Variants in ZNF654 observed in about 807,000 individuals in gnomAD.
ZNF654 encodes the protein zinc finger protein 654, also known as melanoma-associated antigen.
A neutral mutation model predicts 95.3 loss-of-function variants in ZNF654; 19 were observed. The ratio of observed to expected loss-of-function variants is 0.20; its 90% CI spans 0.14 to 0.29. ZNF654 has a LOEUF of 0.29. Ranked by LOEUF, ZNF654 falls within the 10% of genes least tolerant of loss-of-function variation. The pLI, the probability that ZNF654 is intolerant of heterozygous loss-of-function variation, is 1.00. For missense variants in ZNF654, 1,046 were observed against 1,341.0 expected, an observed-to-expected ratio of 0.78 and a Z score of 3.44; for synonymous variants, 413 against 457.9, an observed-to-expected ratio of 0.90 and a Z score of 1.25.
chr3:88,107,945 T>A (rs1704844175), intron 2 of ZNF654, among the ~76,000 whole-genome samples: 1 of 152,170 alleles, frequency 6.6e-6, no homozygotes, highest in African/African-American at 2.4e-5. Flanking sequence ...TTGTTCATAG[T>A]GCTGTGTTTC....
Position 88,059,466 on chromosome 3 carries a change from C to G in ZNF654, c.147C>G (p.Val49=). ...GCAGCGGCAACTGCGGCGGCGGCGT[C>G]GGAATCAGCAGTCGGGATTACTGCC... ...GAGSGNCGGG[V]GISSRDYCRR... The change falls in exon 1 of 9, where the codon GTC becomes GTG. Residue 49 remains valine, a synonymous_variant. Transcript: ENST00000636215. The G allele has an allele frequency of 5.3e-6, 8 of 1,520,434 alleles. No homozygotes were observed. The highest frequency in any genetic ancestry group is 1.4e-5 in the African/African-American group (1 of 71,986). 94.2% of individuals were successfully genotyped at this position (1,520,434 alleles called of 1,614,324 possible).
At chr3:88,059,551 CCT>C (rs1247065444) in intron 1 of ZNF654, 46 bp downstream of exon 1, 1 of 1,449,922 alleles carries the variant, frequency 6.9e-7, no homozygotes, top group African/African-American at 1.4e-5. Context: ...GGGTCCTGGG[CCT>C]CTCTGCGTCT....
chr3:88,139,233 G>C lies in ZNF654; in HGVS notation c.1564G>C (p.Gly522Arg). 1.3e-6 allele frequency: 2 copies of C among 1,502,576 alleles called. No individual in the cohort carries two copies. The highest frequency in any genetic ancestry group is 2.8e-5 in the South Asian group (2 of 70,872). 93.1% of individuals were successfully genotyped at this position (1,502,576 alleles called of 1,614,324 possible). ...TGATGTATCTGGAGTGCAGCCTAAA[G>C]GTCATATTAATACGAAGAAAAATCT... Reference protein sequence around the residue: ...PDDVSGVQPKGHINTKKNLTA... With the variant: ...PDDVSGVQPKRHINTKKNLTA... The change falls in exon 8 of 9, where the codon GGT becomes CGT. Residue 522 changes from glycine to arginine, a missense_variant. Transcript: ENST00000636215.
chr3:88,097,347 A>T (rs896959191), intron 2 of ZNF654, among the ~76,000 whole-genome samples: 2 of 151,440 alleles, frequency 1.3e-5, no homozygotes, highest in African/African-American at 4.8e-5. Flanking sequence ...CAGTTTTCTC[A>T]CACCTTTGTC....
At chr3:88,083,787 A>C (rs1708199732) in intron 1 of ZNF654, among the ~76,000 whole-genome samples, 1 of 152,100 alleles carries the variant, frequency 6.6e-6, no homozygotes, top group Non-Finnish European at 1.5e-5. Context: ...GTTAATGGCA[A>C]CCTACTAGAA....
At chr3:88,077,714 CAG>C (rs1253985915) in intron 1 of ZNF654, among the ~76,000 whole-genome samples, 1 of 152,034 alleles carries the variant, frequency 6.6e-6, no homozygotes, top group African/African-American at 2.4e-5. Flanking sequence ...TGTAAACTGA[CAG>C]AATGCAATTT....
intron 2 of ZNF654, among the ~76,000 whole-genome samples, chr3:88,106,451 C>A (rs1312101160): frequency 6.6e-6 from 1 of 152,058 alleles, no homozygotes; most frequent in Admixed American, 6.6e-5. Context: ...AGTTCTCCTG[C>A]CTCAGCCTCA....
chr3:88,123,241 A>G (rs562528394), intron 3 of ZNF654, among the ~76,000 whole-genome samples: 1 of 152,254 alleles, frequency 6.6e-6, no homozygotes, highest in African/African-American at 2.4e-5. Context: ...ATAGACCAAA[A>G]TGAAATCTTT....
chr3:88,094,034 T>A (rs1576258936), intron 2 of ZNF654, among the ~76,000 whole-genome samples: 1 of 152,128 alleles, frequency 6.6e-6, no homozygotes, highest in Non-Finnish European at 1.5e-5. Context: ...GTGAACTTAG[T>A]CATTTGAGAG....
chr3:88,138,571 AAT>A (rs1706942492), intron 7 of ZNF654, 132 bp from the exon 8 acceptor site: 4 of 471,572 alleles, frequency 8.5e-6, no homozygotes, highest in African/African-American at 2.0e-5. Context: ...AAGGCTACTA[AAT>A]ATGGAAAATT....
chr3:88,096,504 C>A (rs1472731636), intron 2 of ZNF654, among the ~76,000 whole-genome samples: 1 of 152,102 alleles, frequency 6.6e-6, no homozygotes. Flanking sequence ...CCAAAACTAA[C>A]CAGAACCCAA....
chr3:88,129,138 T>C (rs997441780), intron 5 of ZNF654, 127 bp downstream of exon 5: 2 of 662,066 alleles, frequency 3.0e-6, no homozygotes, highest in Non-Finnish European at 5.0e-6. Context: ...AAGGATTACA[T>C]TATCTGGATG....
intron 1 of ZNF654, among the ~76,000 whole-genome samples, chr3:88,061,152 T>G (rs1403890237): frequency 6.6e-6 from 1 of 152,162 alleles, no homozygotes; most frequent in Non-Finnish European, 1.5e-5. Context: ...AGATTTTGTA[T>G]CTATAGGAAT....
chr3:88,069,104 A>G (rs1486844590), intron 1 of ZNF654, among the ~76,000 whole-genome samples: 1 of 150,884 alleles, frequency 6.6e-6, no homozygotes, highest in Non-Finnish European at 1.5e-5. Flanking sequence ...AATCAAATTC[A>G]ATCTAGCAGA....
At chr3:88,129,051 C>G in intron 5 of ZNF654, 40 bp downstream of exon 5, 1 of 1,439,492 alleles carries the variant, frequency 6.9e-7, no homozygotes, top group Non-Finnish European at 9.2e-7. Context: ...CCATTTTAAC[C>G]CTACCAAAAA....
At chr3:88,116,818 A>G (rs1404035357) in intron 3 of ZNF654, among the ~76,000 whole-genome samples, 1 of 152,114 alleles carries the variant, frequency 6.6e-6, no homozygotes, top group Non-Finnish European at 1.5e-5. Flanking sequence ...ATTAAACTGT[A>G]GTACATGTAA....
intron 1 of ZNF654, among the ~76,000 whole-genome samples, chr3:88,074,447 C>T (rs4858990): frequency 0.94 from 142,826 of 151,628 alleles, 67,749 homozygotes; most frequent in Non-Finnish European, 1. Flanking sequence ...GTTGAAGCAG[C>T]TCTCCTGCCT....
chr3:88,079,778 A>G (rs1707989390), intron 1 of ZNF654, among the ~76,000 whole-genome samples: 1 of 152,074 alleles, frequency 6.6e-6, no homozygotes, highest in African/African-American at 2.4e-5. Context: ...TACAGAACCT[A>G]TCAAATACAT....
chr3:88,140,480 T>C lies in ZNF654; in HGVS notation c.2811T>C (p.Ser937=). The C allele has an allele frequency of 6.2e-7, 1 of 1,613,648 alleles. No homozygotes were observed. The highest frequency in any genetic ancestry group is 8.5e-7 in the Non-Finnish European group (1 of 1,179,746). ...AAAGTATGGAAAAGAAAACAGACAG[T>C]TTAGTTCAGAATGGAAACGAACGTT... is the stretch of plus-strand genomic sequence containing the variant. ...CIESMEKKTD[S]LVQNGNERSD... Residue 937 remains serine, a synonymous_variant, in exon 8 of 9, where the codon AGT becomes AGC. Transcript: ENST00000636215.
Sources: gnomAD v4.1 joint callset for allele counts (sites outside exome capture counted in the v4.1 genomes callset) on GRCh38, gnomAD v4.1.1 for gene constraint, MANE v1.5 for transcripts, NCBI Gene and HGNC (gene_info 2026-07-23, HGNC 2026-07-21) for gene names.